Variants in ANO4 observed in about 807,000 individuals in gnomAD.
ANO4 encodes anoctamin 4, also known as anoctamin-4.
In ANO4, 69 loss-of-function variants were observed where a neutral mutation model predicts 141.9. The observed-to-expected ratio is 0.49, with a 90% CI of 0.40 to 0.59. The LOEUF (loss-of-function observed/expected upper bound fraction) is 0.59. Among genes scored for constraint, ANO4 ranks in the 20% least tolerant of loss-of-function variants. ANO4 has a pLI of 0.00. For missense variants in ANO4, 894 were observed against 1,162.2 expected (o/e 0.77, Z 3.36); for synonymous variants, 350 against 394.3 (o/e 0.89, Z 1.33).
intron 9 of ANO4, among the ~76,000 whole-genome samples, chr12:101,032,436 G>A (rs1194467515): frequency 6.6e-6 from 1 of 151,106 alleles, no homozygotes; most frequent in African/African-American, 2.4e-5. Context: ...TTAACTCAAA[G>A]CAATGGCAAC....
intron 22 of ANO4, among the ~76,000 whole-genome samples, chr12:101,105,330 A>G (rs780007671): frequency 1.3e-5 from 2 of 152,234 alleles, no homozygotes; most frequent in Non-Finnish European, 2.9e-5. Context: ...GCGGAGTATC[A>G]CAAATTTGTT....
At chr12:101,125,375 ATGGGATT>A (rs1413918685) in intron 26 of ANO4, among the ~76,000 whole-genome samples, 1 of 152,106 alleles carries the variant, frequency 6.6e-6, no homozygotes, top group Non-Finnish European at 1.5e-5. Context: ...GGCCAAGATG[ATGGGATT>A]TTCTAGACAC....
At chr12:101,110,371 A>G (rs769083239) in intron 22 of ANO4, 33 bp from the exon 23 acceptor site, 1 of 1,563,664 alleles carries the variant, frequency 6.4e-7, no homozygotes, top group East Asian at 2.3e-5. Flanking sequence ...GAAAACCAAT[A>G]CTCTCTGCTC....
chr12:101,122,613 T>TA (rs2051141314), intron 26 of ANO4, among the ~76,000 whole-genome samples: 1 of 152,232 alleles, frequency 6.6e-6, no homozygotes. Context: ...GATAGCCAGT[T>TA]ATCTCAGCAC....
chr12:100,936,449 G>C (rs546428305), intron 3 of ANO4, among the ~76,000 whole-genome samples: 3 of 152,198 alleles, frequency 2.0e-5, no homozygotes, highest in African/African-American at 4.8e-5. Flanking sequence ...AGACAAAACT[G>C]GTCCCAGTTG....
chr12:100,990,831 T>C (rs2136349918), intron 8 of ANO4, among the ~76,000 whole-genome samples: 1 of 152,226 alleles, frequency 6.6e-6, no homozygotes, highest in East Asian at 1.9e-4. Flanking sequence ...GCGAAAGGCA[T>C]CCCAAGAGGA....
intron 1 of ANO4, among the ~76,000 whole-genome samples, chr12:100,822,113 CAAAATA>C (rs897304558): frequency 2.6e-5 from 4 of 151,866 alleles, no homozygotes; most frequent in Admixed American, 2.0e-4. Flanking sequence ...CAAATTAAAA[CAAAATA>C]AAAATAACAA....
At chr12:100,883,114 CAA>C (rs1565967635) in intron 1 of ANO4, among the ~76,000 whole-genome samples, 1 of 152,214 alleles carries the variant, frequency 6.6e-6, no homozygotes, top group African/African-American at 2.4e-5. Flanking sequence ...TAAAATAAAA[CAA>C]GAGGAGATAA....
chr12:101,089,398 G>A (rs2049653808), intron 17 of ANO4, among the ~76,000 whole-genome samples: 1 of 151,984 alleles, frequency 6.6e-6, no homozygotes, highest in Admixed American at 6.6e-5. Flanking sequence ...TTGACGTGAT[G>A]TTTGTGCGAC....
intron 3 of ANO4, among the ~76,000 whole-genome samples, chr12:100,787,386 C>T (rs987704795): frequency 6.6e-6 from 1 of 152,130 alleles, no homozygotes; most frequent in South Asian, 2.1e-4. Context: ...TTTTGCAACT[C>T]TGAGTATGAG....
intron 13 of ANO4, among the ~76,000 whole-genome samples, chr12:101,045,991 C>G (rs1205448888): frequency 6.6e-6 from 1 of 152,158 alleles, no homozygotes; most frequent in Non-Finnish European, 1.5e-5. Context: ...ATTATTTTGG[C>G]CTGTTGGGTA....
chr12:100,863,504 A>C (rs992522083), intron 1 of ANO4, among the ~76,000 whole-genome samples: 1 of 152,182 alleles, frequency 6.6e-6, no homozygotes, highest in Non-Finnish European at 1.5e-5. Context: ...TACTCTTGAA[A>C]TGAAGGCTTT....
intron 14 of ANO4, 61 bp downstream of exon 14, chr12:101,048,462 T>C: frequency 1.4e-6 from 2 of 1,447,898 alleles, no homozygotes. Flanking sequence ...TATATTCCTT[T>C]AGAAGTTTCA....
intron 1 of ANO4, among the ~76,000 whole-genome samples, chr12:100,868,898 C>T (rs1311885381): frequency 6.6e-6 from 1 of 152,202 alleles, no homozygotes; most frequent in Admixed American, 6.6e-5. Context: ...GTTTGTTTAA[C>T]ATTTAAAAAT....
chr12:100,920,206 C>T (rs2041567431), intron 2 of ANO4, among the ~76,000 whole-genome samples: 1 of 152,096 alleles, frequency 6.6e-6, no homozygotes. Context: ...ATCCAGTTCT[C>T]TTATCTCCAA....
intron 3 of ANO4, among the ~76,000 whole-genome samples, chr12:100,937,826 A>G (rs2042348176): frequency 6.6e-6 from 1 of 152,056 alleles, no homozygotes; most frequent in Non-Finnish European, 1.5e-5. Context: ...CGCATCCTGT[A>G]TCCTCAAAGC....
intron 1 of ANO4, among the ~76,000 whole-genome samples, chr12:100,814,483 T>C (rs531642230): frequency 3.3e-5 from 5 of 152,252 alleles, no homozygotes; most frequent in East Asian, 3.9e-4. Flanking sequence ...GCCAGAATTT[T>C]ATCATTTATG....
At chr12:100,865,992 T>G (rs1298055346) in intron 1 of ANO4, among the ~76,000 whole-genome samples, 5 of 152,156 alleles carry the variant, frequency 3.3e-5, no homozygotes, top group African/African-American at 1.2e-4. Flanking sequence ...CCCTTAGCTT[T>G]CCTGTCTTCT....
At chr12:101,082,535 G>A (rs2049326239) in intron 15 of ANO4, among the ~76,000 whole-genome samples, 1 of 152,146 alleles carries the variant, frequency 6.6e-6, no homozygotes, top group South Asian at 2.1e-4. Flanking sequence ...AAGATTCTAG[G>A]TCTGCTATGT....
Sources: gnomAD v4.1 joint callset for allele counts (sites outside exome capture counted in the v4.1 genomes callset) on GRCh38, gnomAD v4.1.1 for gene constraint, MANE v1.5 for transcripts, NCBI Gene and HGNC (gene_info 2026-07-23, HGNC 2026-07-21) for gene names.